The following ABCB1 variants were observed in gnomAD, a reference collection of about 807,000 sequenced individuals.
The protein encoded by ABCB1 is ATP binding cassette subfamily B member 1.
ABCB1 carries 69 observed loss-of-function variants against 142.0 expected under a neutral mutation model. That is an observed-to-expected ratio of 0.49 (90% CI 0.40 to 0.59). The LOEUF (loss-of-function observed/expected upper bound fraction) is 0.59. ABCB1 is among the 20% of genes least tolerant of loss of function. ABCB1 has a pLI of 0.00. For synonymous variants in ABCB1, 532 were observed against 539.2 expected (o/e 0.99, Z 0.18); for missense variants, 1,326 against 1,554.7 (o/e 0.85, Z 2.47).
At chr7:87,506,443 C>G (rs1814748348) in intron 26 of ABCB1, among the ~76,000 whole-genome samples, 1 of 152,184 alleles carries the variant, frequency 6.6e-6, no homozygotes, top group African/African-American at 2.4e-5. Flanking sequence ...GCAGGTGACA[C>G]TCTCTGCATG....
intron 27 of ABCB1, among the ~76,000 whole-genome samples, chr7:87,505,535 G>A (rs1045021435): frequency 6.6e-6 from 1 of 152,148 alleles, no homozygotes; most frequent in African/African-American, 2.4e-5. Flanking sequence ...AGAAATGATT[G>A]CTAATATTTA....
Position 87,665,960 on chromosome 7 carries a change from C to T in ABCB1, c.-331+47201G>A, listed in dbSNP as rs117714927. Among the ~76,000 whole-genome samples, 354 of 152,094 alleles carry T rather than the reference C, an allele frequency of 2.3e-3. 5 individuals carry two copies. The East Asian group carries it at 0.042, about 18-fold the overall frequency. ...ACAGTGAACATACGTGTACATGTGT[C>T]TTTATGGTAGAATGACTTATATTCC... On this transcript the variant is annotated intron_variant, in intron 1 of 28. Coordinates refer to the ABCB1 transcript ENST00000265724.
intron 21 of ABCB1, among the ~76,000 whole-genome samples, chr7:87,529,498 T>C (rs1029476683): frequency 6.6e-6 from 1 of 152,150 alleles, no homozygotes; most frequent in African/African-American, 2.4e-5. Flanking sequence ...TCAGAAAATC[T>C]GCCATATCCA....
At chr7:87,565,924 T>A in intron 7 of ABCB1, 146 bp downstream of exon 7, 6 of 887,452 alleles carry the variant, frequency 6.8e-6, no homozygotes, top group Non-Finnish European at 1.1e-5. Flanking sequence ...AGGCTGGATA[T>A]GCTTATCCAG....
At chr7:87,568,944 A>G (rs1817914516) in intron 5 of ABCB1, among the ~76,000 whole-genome samples, 1 of 152,232 alleles carries the variant, frequency 6.6e-6, no homozygotes, top group South Asian at 2.1e-4. Context: ...TGATTAAAAG[A>G]CATTCTGTTT....
chr7:87,666,914 G>A (rs1160057401), intron 1 of ABCB1, among the ~76,000 whole-genome samples: 1 of 152,078 alleles, frequency 6.6e-6, no homozygotes, highest in Non-Finnish European at 1.5e-5. Flanking sequence ...TTTGAAGTCA[G>A]GTAATGTGAT....
At chr7:87,645,494 TAA>T (rs1328651604) in intron 1 of ABCB1, among the ~76,000 whole-genome samples, 1 of 152,202 alleles carries the variant, frequency 6.6e-6, no homozygotes, top group Non-Finnish European at 1.5e-5. Context: ...ATCTTAATTA[TAA>T]GTCTCTTTTA....
intron 21 of ABCB1, among the ~76,000 whole-genome samples, chr7:87,529,626 A>C (rs781224413): frequency 6.6e-6 from 1 of 152,234 alleles, no homozygotes; most frequent in Admixed American, 6.5e-5. Flanking sequence ...GAATTAGCTT[A>C]GGATCAGATT....
chr7:87,674,771 G>A (rs1052216429), intron 1 of ABCB1, among the ~76,000 whole-genome samples: 2 of 152,166 alleles, frequency 1.3e-5, no homozygotes, highest in African/African-American at 4.8e-5. Context: ...GGCATGGTAG[G>A]CTGGAGCCCA....
intron 8 of ABCB1, among the ~76,000 whole-genome samples, chr7:87,558,167 A>G (rs1817385553): frequency 1.3e-5 from 2 of 152,200 alleles, no homozygotes; most frequent in African/African-American, 4.8e-5. Flanking sequence ...AGGTGGTCTC[A>G]GGTTAGCAGT....
intron 20 of ABCB1, among the ~76,000 whole-genome samples, chr7:87,533,523 T>G (rs1026216133): frequency 6.6e-6 from 1 of 152,170 alleles, no homozygotes; most frequent in African/African-American, 2.4e-5. Flanking sequence ...GCAAGGAGAT[T>G]TAACCCCTCG....
At chr7:87,578,278 T>C (rs1462581788) in intron 4 of ABCB1, among the ~76,000 whole-genome samples, 2 of 152,328 alleles carry the variant, frequency 1.3e-5, no homozygotes, top group South Asian at 2.1e-4. Flanking sequence ...CATTGGTCTA[T>C]GTGTCTCTTT....
At chr7:87,513,815 C>T (rs1454056632) in intron 25 of ABCB1, among the ~76,000 whole-genome samples, 9 of 152,112 alleles carry the variant, frequency 5.9e-5, no homozygotes, top group African/African-American at 2.2e-4. Context: ...GATATCATGC[C>T]CTACAATTCA....
intron 1 of ABCB1, among the ~76,000 whole-genome samples, chr7:87,708,539 TTTC>T (rs1829802708): frequency 6.6e-6 from 1 of 152,180 alleles, no homozygotes; most frequent in Non-Finnish European, 1.5e-5. Context: ...TTTAAATTGT[TTTC>T]TTCTTATGGG....
chr7:87,710,536 T>C, intron 1 of ABCB1: 3 of 1,326,300 alleles, frequency 2.3e-6, no homozygotes, highest in Non-Finnish European at 3.2e-6. Flanking sequence ...TTTTTTAATT[T>C]TTTTTATATT....
chr7:87,687,912 G>A (rs767249680), intron 1 of ABCB1, among the ~76,000 whole-genome samples: 3 of 152,054 alleles, frequency 2.0e-5, no homozygotes, highest in Non-Finnish European at 4.4e-5. Context: ...CTGTTCATTT[G>A]GCTTTTGAGT....
At chr7:87,679,598 C>T (rs1826725539) in intron 1 of ABCB1, among the ~76,000 whole-genome samples, 1 of 150,190 alleles carries the variant, frequency 6.7e-6, no homozygotes, top group South Asian at 2.1e-4. Context: ...CTATGTTGCC[C>T]TGGCTGGTCT....
At position 87,650,476 on chromosome 7, in the gene ABCB1, A is replaced by G. The variant is rs145394922; in HGVS notation, c.-330-49398T>C. ...AAACAAGCTCCCTCAGGCCTCTTTT[A>G]TAAGAGTACTAATTCTGTACATGAA... On this transcript the variant is annotated intron_variant, in intron 1 of 28. Transcript: ENST00000265724. 2.9e-3 allele frequency among the ~76,000 whole-genome samples: 445 copies of G among 152,202 alleles called. 3 individuals carry two copies. Among genetic ancestry groups the G allele is most frequent in the African/African-American group, 0.01 (421 of 41,548 alleles).
At chr7:87,669,746 T>C (rs1825646885) in intron 1 of ABCB1, among the ~76,000 whole-genome samples, 1 of 152,234 alleles carries the variant, frequency 6.6e-6, no homozygotes, top group Non-Finnish European at 1.5e-5. Flanking sequence ...TTTGGCTGTA[T>C]ATGAAATTCT....
Sources: gnomAD v4.1 joint callset for allele counts (sites outside exome capture counted in the v4.1 genomes callset) on GRCh38, gnomAD v4.1.1 for gene constraint, MANE v1.5 for transcripts, NCBI Gene and HGNC (gene_info 2026-07-23, HGNC 2026-07-21) for gene names.